Variants in AMMECR1 observed in about 807,000 individuals in gnomAD.
AMMECR1 encodes AMMECR nuclear protein 1, also known as nuclear protein AMMECR1.
In AMMECR1, 3 loss-of-function variants were observed where a neutral mutation model predicts 22.5. The ratio of observed to expected loss-of-function variants is 0.13; its 90% CI spans 0.06 to 0.35. The LOEUF is 0.35. Among genes scored for constraint, AMMECR1 ranks in the 10% least tolerant of loss-of-function variants. The pLI is 1.00. For missense variants in AMMECR1, 235 were observed against 278.7 expected, an observed-to-expected ratio of 0.84 and a Z score of 1.12; for synonymous variants, 130 against 116.7, an observed-to-expected ratio of 1.11 and a Z score of -0.74.
chrX:110,237,015 C>G (rs1296845922), intron 2 of AMMECR1, among the ~76,000 whole-genome samples: 1 of 111,389 alleles, frequency 9.0e-6, no homozygotes, highest in African/African-American at 3.3e-5. Flanking sequence ...CTATCACCCC[C>G]CTGGAAAACA....
At chrX:110,312,214 T>C (rs2068026567) in intron 1 of AMMECR1, among the ~76,000 whole-genome samples, 1 of 112,376 alleles carries the variant, frequency 8.9e-6, no homozygotes, top group African/African-American at 3.2e-5. Context: ...TGTCTATAAA[T>C]AGGAAATGCA....
intron 2 of AMMECR1, among the ~76,000 whole-genome samples, chrX:110,334,794 T>C (rs1200211883): frequency 1.8e-5 from 2 of 112,128 alleles, no homozygotes; most frequent in South Asian, 7.4e-4. Context: ...TCATAACATA[T>C]AGTTGCTGAT....
chrX:110,394,238 TTTTG>T (rs1293416862), intron 2 of AMMECR1, among the ~76,000 whole-genome samples: 3 of 112,158 alleles, frequency 2.7e-5, no homozygotes, highest in Admixed American at 9.4e-5. Context: ...TTTGGGTGGT[TTTTG>T]TTTGTTTGTT....
intron 2 of AMMECR1, among the ~76,000 whole-genome samples, chrX:110,411,662 G>A (rs1455733385): frequency 8.9e-6 from 1 of 112,053 alleles, no homozygotes; most frequent in Non-Finnish European, 1.9e-5. Context: ...AAGTGGAAAG[G>A]CAACATATAA....
chrX:110,384,527 T>C (rs142595890), intron 2 of AMMECR1, among the ~76,000 whole-genome samples: 1 of 111,626 alleles, frequency 9.0e-6, no homozygotes, highest in African/African-American at 3.3e-5. Flanking sequence ...TCCCTTTGCA[T>C]TTAACTTAAT....
At chrX:110,333,071 G>C (rs1409820266) in intron 2 of AMMECR1, among the ~76,000 whole-genome samples, 1 of 111,674 alleles carries the variant, frequency 9.0e-6, no homozygotes, top group Non-Finnish European at 1.9e-5. Context: ...AAGGGGATTT[G>C]CCTGACAAAC....
At chrX:110,257,025 A>G (rs775055854) in intron 2 of AMMECR1, among the ~76,000 whole-genome samples, 1 of 111,841 alleles carries the variant, frequency 8.9e-6, no homozygotes, top group African/African-American at 3.2e-5. Flanking sequence ...CCTCCTGTTC[A>G]TTCAGGTCCT....
intron 3 of AMMECR1, among the ~76,000 whole-genome samples, chrX:110,204,884 AC>A (rs1341282653): frequency 1.2e-3 from 136 of 111,624 alleles, no homozygotes; most frequent in East Asian, 2.8e-3. Context: ...TAAGAAAAAA[AC>A]CCCAAATTCT....
intron 2 of AMMECR1, among the ~76,000 whole-genome samples, chrX:110,417,546 A>T (rs2068686679): frequency 8.9e-6 from 1 of 111,770 alleles, no homozygotes; most frequent in East Asian, 2.8e-4. Context: ...ATGTCTTTGC[A>T]TCTTCCCAGC....
At chrX:110,205,505 G>A (rs2067417638) in intron 3 of AMMECR1, among the ~76,000 whole-genome samples, 1 of 111,538 alleles carries the variant, frequency 9.0e-6, no homozygotes, top group Admixed American at 9.5e-5. Flanking sequence ...CAGGGAACTG[G>A]GATTCCCCGA....
intron 2 of AMMECR1, among the ~76,000 whole-genome samples, chrX:110,359,234 C>T (rs1248253036): frequency 9.0e-6 from 1 of 110,859 alleles, no homozygotes; most frequent in Non-Finnish European, 1.9e-5. Context: ...CTGTGTTTAT[C>T]ATCCTTTCTC....
chrX:110,255,303 T>C (rs1481918196), intron 2 of AMMECR1, among the ~76,000 whole-genome samples: 1 of 111,636 alleles, frequency 9.0e-6, no homozygotes, highest in Non-Finnish European at 1.9e-5. Context: ...GTAGCTATTG[T>C]CTAAAAATAT....
intron 2 of AMMECR1, among the ~76,000 whole-genome samples, chrX:110,366,751 C>A (rs768200268): frequency 8.9e-6 from 1 of 111,768 alleles, no homozygotes; most frequent in South Asian, 3.8e-4. Flanking sequence ...CCCCAGCAGC[C>A]GAATGAGATT....
intron 2 of AMMECR1, among the ~76,000 whole-genome samples, chrX:110,221,879 A>T (rs1397324086): frequency 2.7e-5 from 3 of 109,426 alleles, no homozygotes; most frequent in African/African-American, 6.7e-5. Flanking sequence ...AGAAATGCAA[A>T]TCAAAACCAC....
chrX:110,427,536 G>C (rs2068762766), intron 1 of AMMECR1, among the ~76,000 whole-genome samples: 2 of 111,938 alleles, frequency 1.8e-5, no homozygotes, highest in African/African-American at 6.5e-5. Context: ...CTCAATCCTG[G>C]CTGCACATTC....
chrX:110,407,924 TACTG>T (rs1209347619), intron 2 of AMMECR1, among the ~76,000 whole-genome samples: 4 of 112,650 alleles, frequency 3.6e-5, no homozygotes, highest in Non-Finnish European at 7.5e-5. Flanking sequence ...GGACCTGTTC[TACTG>T]ACTATCAACG....
intron 2 of AMMECR1, among the ~76,000 whole-genome samples, chrX:110,230,964 A>G (rs2067562285): frequency 8.9e-6 from 1 of 112,045 alleles, no homozygotes; most frequent in Admixed American, 9.4e-5. Context: ...AAGTAAAGCG[A>G]GAAGACAAGG....
intron 2 of AMMECR1, among the ~76,000 whole-genome samples, chrX:110,393,247 C>T (rs912975302): frequency 1.8e-5 from 2 of 108,934 alleles, no homozygotes; most frequent in African/African-American, 6.7e-5. Flanking sequence ...CCTCATTTTC[C>T]TCATCTACAC....
intron 2 of AMMECR1, chrX:110,346,556 T>A: frequency 2.3e-6 from 1 of 431,146 alleles, no homozygotes; most frequent in Non-Finnish European, 4.2e-6. Flanking sequence ...CAGAGGTAGA[T>A]GTTAAGGACA....
Sources: allele counts gnomAD v4.1 joint callset (sites outside exome capture counted in the v4.1 genomes callset), GRCh38; gene constraint gnomAD v4.1.1; transcripts MANE v1.5; gene names NCBI Gene and HGNC (gene_info 2026-07-23, HGNC 2026-07-21).